Variants in TSPAN13 observed in about 807,000 individuals in gnomAD.
TSPAN13 encodes tetraspanin-13.
Under a neutral mutation model 26.9 loss-of-function variants are expected in TSPAN13, and 18 were observed. That is an observed-to-expected ratio of 0.67 (90% CI 0.46 to 0.99). The LOEUF (loss-of-function observed/expected upper bound fraction) is 0.99, where lower values mean the gene tolerates loss of function less well. Among genes scored for constraint, TSPAN13 ranks in the 50% least tolerant of loss-of-function variants. The pLI is 0.00. For synonymous variants in TSPAN13, 116 were observed against 98.4 expected (o/e 1.18, Z -1.06); for missense variants, 201 against 249.6 (o/e 0.81, Z 1.31).
intron 5 of TSPAN13, among the ~76,000 whole-genome samples, chr7:16,781,633 G>A (rs1244354099): frequency 6.6e-6 from 1 of 152,142 alleles, no homozygotes; most frequent in Non-Finnish European, 1.5e-5. Flanking sequence ...GTAAAATGTG[G>A]CTCCGGATTA....
intron 1 of TSPAN13, among the ~76,000 whole-genome samples, chr7:16,762,663 C>T (rs1008858996): frequency 2.0e-5 from 3 of 152,046 alleles, no homozygotes; most frequent in Non-Finnish European, 4.4e-5. Flanking sequence ...ATTATTTTCA[C>T]GGAAAAAGAA....
At chr7:16,764,409 G>A (rs1784583818) in intron 1 of TSPAN13, among the ~76,000 whole-genome samples, 1 of 152,110 alleles carries the variant, frequency 6.6e-6, no homozygotes, top group African/African-American at 2.4e-5. Flanking sequence ...AAACAATTCT[G>A]TTTGCTAGAG....
At chr7:16,754,167 C>G in intron 1 of TSPAN13, 137 bp downstream of exon 1, 1 of 894,500 alleles carries the variant, frequency 1.1e-6, no homozygotes, top group Non-Finnish European at 1.8e-6. Flanking sequence ...TGCGCGCCCC[C>G]GGCCTCACCA....
At chr7:16,757,037 A>G (rs2115319637) in intron 1 of TSPAN13, among the ~76,000 whole-genome samples, 1 of 152,340 alleles carries the variant, frequency 6.6e-6, no homozygotes, top group African/African-American at 2.4e-5. Context: ...GTGGGAAATA[A>G]TAAATACCTA....
At chr7:16,759,772 G>GCTCA (rs1414087226) in intron 1 of TSPAN13, among the ~76,000 whole-genome samples, 1 of 150,154 alleles carries the variant, frequency 6.7e-6, no homozygotes, top group Non-Finnish European at 1.5e-5. Flanking sequence ...CTGCCAGAGA[G>GCTCA]CTGTCTCCTG....
At chr7:16,755,379 A>G (rs1423698888) in intron 1 of TSPAN13, among the ~76,000 whole-genome samples, 4 of 152,138 alleles carry the variant, frequency 2.6e-5, no homozygotes, top group Non-Finnish European at 5.9e-5. Context: ...TCTGGTCAAC[A>G]TGGTCATTAA....
chr7:16,757,964 G>A (rs192702986), intron 1 of TSPAN13, among the ~76,000 whole-genome samples: 1 of 152,212 alleles, frequency 6.6e-6, no homozygotes, highest in Non-Finnish European at 1.5e-5. Context: ...CTCCTGAGTA[G>A]TTGGGATTAC....
At chr7:16,774,705 TTG>T in intron 1 of TSPAN13, among the ~76,000 whole-genome samples, 1 of 152,320 alleles carries the variant, frequency 6.6e-6, no homozygotes, top group East Asian at 1.9e-4. Context: ...GTGAAAATTT[TTG>T]CCTCTCCTTG....
intron 1 of TSPAN13, among the ~76,000 whole-genome samples, chr7:16,765,999 A>G (rs1404888026): frequency 6.6e-6 from 1 of 152,242 alleles, no homozygotes; most frequent in African/African-American, 2.4e-5. Context: ...GCCATAACAC[A>G]TAATTATCAC....
chr7:16,754,250 C>T (rs1165585095), intron 1 of TSPAN13, among the ~76,000 whole-genome samples: 1 of 152,206 alleles, frequency 6.6e-6, no homozygotes, highest in African/African-American at 2.4e-5. Flanking sequence ...AAGCCGCGGT[C>T]TCTCAGGCTC....
intron 1 of TSPAN13, among the ~76,000 whole-genome samples, chr7:16,773,166 G>T (rs938047944): frequency 1.3e-5 from 2 of 150,862 alleles, no homozygotes; most frequent in African/African-American, 4.9e-5. Flanking sequence ...AAAAATCTTG[G>T]GGGGGGGCGG....
chr7:16,761,021 A>G (rs997522698), intron 1 of TSPAN13, among the ~76,000 whole-genome samples: 7 of 152,176 alleles, frequency 4.6e-5, no homozygotes, highest in Admixed American at 3.9e-4. Context: ...TCTCCCAGAA[A>G]TGCTCCAAAG....
chr7:16,764,230 TGCTGG>T (rs908610461), intron 1 of TSPAN13, among the ~76,000 whole-genome samples: 1 of 151,794 alleles, frequency 6.6e-6, no homozygotes, highest in Non-Finnish European at 1.5e-5. Context: ...GGTTTCACCA[TGCTGG>T]CCAGGCTGGT....
At chr7:16,765,070 G>A (rs555865457) in intron 1 of TSPAN13, among the ~76,000 whole-genome samples, 2 of 151,872 alleles carry the variant, frequency 1.3e-5, no homozygotes, top group South Asian at 2.1e-4. Context: ...GTGCTGTAGC[G>A]TTCTGTGTTT....
rs1784759291 is a variant in TSPAN13 at position 16,777,042 on chromosome 7, T to C, written c.232T>C (p.Tyr78His). ...VKHHQVLLFF[Y>H]MIILLLVFIV... ...AGTATCCTTAACTTCTAACTCTCAG[T>C]ATATGATTATTCTGTTACTTGTATT... Residue 78 changes from tyrosine to histidine, a missense_variant and splice_region_variant, in exon 3 of 6, where the codon TAT becomes CAT. Coordinates refer to ENST00000262067, the MANE Select transcript of TSPAN13 (RefSeq NM_014399.4). The C allele has an allele frequency of 1.2e-6, 2 of 1,601,694 alleles. No individual in the cohort carries two copies. Among genetic ancestry groups the C allele is most frequent in the Non-Finnish European group, 1.7e-6 (2 of 1,169,236 alleles).
chr7:16,756,480 C>T (rs1177940353), intron 1 of TSPAN13, among the ~76,000 whole-genome samples: 1 of 152,198 alleles, frequency 6.6e-6, no homozygotes, highest in Non-Finnish European at 1.5e-5. Flanking sequence ...ACTGTATCAG[C>T]TGAACTGTCC....
At chr7:16,764,349 A>G (rs1021715589) in intron 1 of TSPAN13, among the ~76,000 whole-genome samples, 6 of 152,078 alleles carry the variant, frequency 3.9e-5, no homozygotes, top group African/African-American at 1.4e-4. Context: ...TAATACCATT[A>G]TTGTATGTAT....
chr7:16,770,124 A>T lies in TSPAN13; in HGVS notation c.64-6087A>T, dbSNP rs11973387. Among the ~76,000 whole-genome samples, 1,408 of 151,762 alleles carry T rather than the reference A, an allele frequency of 9.3e-3. 8 individuals are homozygous for T. Among genetic ancestry groups the T allele is most frequent in the African/African-American group, 0.031 (1,274 of 41,492 alleles). On this transcript the variant is annotated intron_variant, in intron 1 of 5. Transcript: ENST00000262067. The stretch of plus-strand genomic sequence containing the variant: ...GACTCTTTTTTAAGTTTGCATTTTT[A>T]AAAATATGGGTTTTTAAAATAGTTT...
Position 16,783,907 on chromosome 7 carries a change from AAT to A in TSPAN13, c.*417_*418del, listed in dbSNP as rs1784843200. The A allele has an allele frequency of 6.3e-6, 1 of 157,996 alleles. No individual in the cohort carries two copies. Among genetic ancestry groups the A allele is most frequent in the African/African-American group, 2.4e-5 (1 of 41,664 alleles). The allele number at this position is 157,996 out of a possible 1,614,324, so 9.8% of individuals were successfully genotyped here. On this transcript the variant is annotated 3_prime_UTR_variant, in exon 6 of 6. Coordinates refer to ENST00000262067, the MANE Select transcript of TSPAN13 (RefSeq NM_014399.4). ...TGGAAAAAGAGTGGAAATTTATTAAAATCAGAAAGTATGAGATCCTGTTATGT... is the reference window on the plus strand; with the variant it reads ...TGGAAAAAGAGTGGAAATTTATTAAACAGAAAGTATGAGATCCTGTTATGT...
Sources: gnomAD v4.1 joint callset for allele counts (sites outside exome capture counted in the v4.1 genomes callset) on GRCh38, gnomAD v4.1.1 for gene constraint, MANE v1.5 for transcripts, NCBI Gene and HGNC (gene_info 2026-07-23, HGNC 2026-07-21) for gene names.